CNKSR3: variants seen among roughly 807,000 people sequenced by gnomAD.
CNKSR3 encodes the protein connector enhancer of kinase suppressor of ras 3.
A neutral mutation model predicts 67.7 loss-of-function variants in CNKSR3; 36 were observed. That is an observed-to-expected ratio of 0.53 (90% CI 0.41 to 0.70). CNKSR3 has a LOEUF of 0.70. CNKSR3 is among the 30% of genes least tolerant of loss of function. CNKSR3 has a pLI of 0.00. For missense variants in CNKSR3, 630 were observed against 695.2 expected (o/e 0.91, Z 1.05); for synonymous variants, 281 against 271.4 (o/e 1.04, Z -0.35).
At chr6:154,418,488 T>C (rs1367479460) in intron 9 of CNKSR3, among the ~76,000 whole-genome samples, 4 of 152,162 alleles carry the variant, frequency 2.6e-5, no homozygotes, top group Non-Finnish European at 5.9e-5. Context: ...CATCCGCCAA[T>C]GCAAATCCCA....
At chr6:154,423,597 G>A (rs768145422) in intron 7 of CNKSR3, among the ~76,000 whole-genome samples, 48 of 152,070 alleles carry the variant, frequency 3.2e-4, no homozygotes, top group Non-Finnish European at 1.5e-4. Flanking sequence ...AAAAGCTATT[G>A]GTTCATCTAA....
At chr6:154,469,211 C>T (rs1425161350) in intron 1 of CNKSR3, among the ~76,000 whole-genome samples, 2 of 152,146 alleles carry the variant, frequency 1.3e-5, no homozygotes, top group African/African-American at 4.8e-5. Context: ...TTCTCATCTT[C>T]AACCCCATTT....
At chr6:154,449,997 GGAAA>G in intron 2 of CNKSR3, 94 bp downstream of exon 2, 1 of 1,150,638 alleles carries the variant, frequency 8.7e-7, no homozygotes, top group Non-Finnish European at 1.2e-6. Context: ...GGAGCATTAA[GGAAA>G]GAGTGATATG....
chr6:154,459,319 A>G (rs4869825), intron 1 of CNKSR3, among the ~76,000 whole-genome samples: 110,307 of 151,926 alleles, frequency 0.73, 40,581 homozygotes, highest in East Asian at 0.91. Context: ...TAAAGATCCA[A>G]CCACCAAGAA....
intron 1 of CNKSR3, among the ~76,000 whole-genome samples, chr6:154,475,547 C>T (rs1786428172): frequency 6.6e-6 from 1 of 152,222 alleles, no homozygotes; most frequent in Non-Finnish European, 1.5e-5. Context: ...ATGCCACCCG[C>T]TGACAGATGG....
intron 7 of CNKSR3, 116 bp from the exon 8 acceptor site, chr6:154,423,099 A>AATTTTTT: frequency 2.8e-6 from 2 of 705,116 alleles, no homozygotes; most frequent in African/African-American, 1.8e-5. Context: ...TTCTCAGGAA[A>AATTTTTT]AATAAAACAA....
At chr6:154,467,015 G>A (rs1348059803) in intron 1 of CNKSR3, among the ~76,000 whole-genome samples, 1 of 152,090 alleles carries the variant, frequency 6.6e-6, no homozygotes, top group African/African-American at 2.4e-5. Context: ...CAGGCAGGAG[G>A]CAGCAAAGAG....
chr6:154,420,225 TAAAAA>T lies in CNKSR3; in HGVS notation c.945+2276_945+2280del, dbSNP rs35213451. Among the ~76,000 whole-genome samples the T allele has an allele frequency of 9.9e-4, 144 of 145,366 alleles. 4 individuals carry two copies. Among genetic ancestry groups the T allele is most frequent in the African/African-American group, 2.9e-3 (114 of 39,704 alleles). The stretch of plus-strand genomic sequence containing the variant: ...CATGATCTCACTTATATGTGGAATC[TAAAAA>T]AAAAAAAAAAAATTGAACTCTTAGA... On this transcript the variant is annotated intron_variant, in intron 9 of 12. Transcript: ENST00000607772.
chr6:154,451,533 G>A (rs961210045), intron 1 of CNKSR3, among the ~76,000 whole-genome samples: 2 of 71,700 alleles, frequency 2.8e-5, no homozygotes, highest in African/African-American at 6.3e-5. Flanking sequence ...GTGCACACAC[G>A]CACACGCACA....
At chr6:154,448,434 C>CAAA (rs56872694) in intron 2 of CNKSR3, among the ~76,000 whole-genome samples, 81 of 121,600 alleles carry the variant, frequency 6.7e-4, no homozygotes, top group East Asian at 1.2e-3. Flanking sequence ...CACGTTTGTA[C>CAAA]AAAAAAAAAA....
At chr6:154,504,549 C>A (rs1787059407) in intron 1 of CNKSR3, among the ~76,000 whole-genome samples, 1 of 152,184 alleles carries the variant, frequency 6.6e-6, no homozygotes. Flanking sequence ...TTCAGCTCCA[C>A]CCCCTGGTAC....
intron 1 of CNKSR3, among the ~76,000 whole-genome samples, chr6:154,486,416 C>T (rs1336762076): frequency 6.6e-6 from 1 of 151,832 alleles, no homozygotes; most frequent in Non-Finnish European, 1.5e-5. Flanking sequence ...CCTGCCTCGG[C>T]CTCCTGGGTA....
At chr6:154,491,418 C>T (rs1196170258) in intron 1 of CNKSR3, among the ~76,000 whole-genome samples, 1 of 152,202 alleles carries the variant, frequency 6.6e-6, no homozygotes, top group East Asian at 1.9e-4. Context: ...TCCAGTTGCA[C>T]CAGTTTTCCT....
At chr6:154,474,454 C>T (rs1786401309) in intron 1 of CNKSR3, among the ~76,000 whole-genome samples, 1 of 150,994 alleles carries the variant, frequency 6.6e-6, no homozygotes, top group Non-Finnish European at 1.5e-5. Context: ...AGTCCTTCAA[C>T]ATACCCAGCA....
At chr6:154,447,002 C>T (rs955479543) in intron 2 of CNKSR3, among the ~76,000 whole-genome samples, 2 of 152,048 alleles carry the variant, frequency 1.3e-5, no homozygotes, top group African/African-American at 2.4e-5. Context: ...GACAGTGTTT[C>T]ACCATGTTAG....
At chr6:154,506,713 C>T (rs553252305) in intron 1 of CNKSR3, among the ~76,000 whole-genome samples, 1 of 152,328 alleles carries the variant, frequency 6.6e-6, no homozygotes, top group Non-Finnish European at 1.5e-5. Flanking sequence ...CTGTTATGTG[C>T]GGCTAACCCT....
At chr6:154,471,252 A>G (rs1786324582) in intron 1 of CNKSR3, among the ~76,000 whole-genome samples, 1 of 152,222 alleles carries the variant, frequency 6.6e-6, no homozygotes, top group East Asian at 1.9e-4. Flanking sequence ...TGCTATAAAT[A>G]TGTGTTGCTT....
chr6:154,420,214 T>C (rs867680675), intron 9 of CNKSR3, among the ~76,000 whole-genome samples: 12 of 129,834 alleles, frequency 9.2e-5, no homozygotes, highest in African/African-American at 1.8e-4. Context: ...ATCTCACTTA[T>C]ATGTGGAATC....
At chr6:154,430,680 T>C in intron 5 of CNKSR3, 89 bp from the exon 6 acceptor site, 3 of 1,259,918 alleles carry the variant, frequency 2.4e-6, no homozygotes, top group South Asian at 2.8e-5. Flanking sequence ...ATTTCACCTA[T>C]AATTGTTAGT....
Sources: gnomAD v4.1 joint callset for allele counts (sites outside exome capture counted in the v4.1 genomes callset) on GRCh38, gnomAD v4.1.1 for gene constraint, MANE v1.5 for transcripts, NCBI Gene and HGNC (gene_info 2026-07-23, HGNC 2026-07-21) for gene names.